NRG3: variants seen among roughly 807,000 people sequenced by gnomAD.
NRG3 encodes neuregulin 3, also known as pro-neuregulin-3, membrane-bound isoform.
In NRG3, 31 loss-of-function variants were observed where a neutral mutation model predicts 66.9. The observed-to-expected ratio is 0.46, with a 90% CI of 0.35 to 0.63. NRG3 has a LOEUF of 0.63. NRG3 is among the 20% of genes least tolerant of loss of function. NRG3 has a pLI of 0.00. For synonymous variants in NRG3, 393 were observed against 359.4 expected, an observed-to-expected ratio of 1.09 and a Z score of -1.06; for missense variants, 910 against 878.9, an observed-to-expected ratio of 1.04 and a Z score of -0.45.
Position 82,714,140 on chromosome 10 carries a change from A to AT in NRG3, c.954-24437_954-24436insT, listed in dbSNP as rs1404754875. Among the ~76,000 whole-genome samples, 4 of 152,330 alleles carry AT rather than the reference A, an allele frequency of 2.6e-5. No homozygotes were observed. The East Asian group carries it at 7.7e-4, about 29-fold the overall frequency. ...GTTAAAATGATATGTATTACTATGT[A>AT]CAATCTGATGTTTTGACATATACAT... On this transcript the variant is annotated intron_variant, in intron 2 of 8. Coordinates refer to ENST00000372141, the MANE Select transcript of NRG3 (RefSeq NM_001010848.4).
chr10:82,790,897 T>A (rs2135369345), intron 3 of NRG3, among the ~76,000 whole-genome samples: 1 of 151,968 alleles, frequency 6.6e-6, no homozygotes, highest in African/African-American at 2.4e-5. Context: ...TTATTGCCCA[T>A]TTCAATGACA....
At chr10:82,678,361 G>A (rs1470529422) in intron 2 of NRG3, among the ~76,000 whole-genome samples, 3 of 152,072 alleles carry the variant, frequency 2.0e-5, no homozygotes, top group Non-Finnish European at 4.4e-5. Flanking sequence ...GTCAAAGGGG[G>A]TTGTTCTCTG....
At chr10:82,088,578 G>A (rs964328823) in intron 1 of NRG3, among the ~76,000 whole-genome samples, 1 of 152,034 alleles carries the variant, frequency 6.6e-6, no homozygotes. Context: ...ATGTGCAAAG[G>A]GTTCCTTTGA....
chr10:82,411,652 T>TTA (rs1350938418), intron 2 of NRG3, among the ~76,000 whole-genome samples: 10 of 152,142 alleles, frequency 6.6e-5, no homozygotes, highest in African/African-American at 2.4e-4. Context: ...GACATTTGAG[T>TTA]ATTTACTCTG....
At chr10:82,397,404 TAA>T (rs1374204798) in intron 2 of NRG3, among the ~76,000 whole-genome samples, 1 of 152,198 alleles carries the variant, frequency 6.6e-6, no homozygotes, top group Non-Finnish European at 1.5e-5. Context: ...ACTCATCTTG[TAA>T]GGAAAGGAAA....
At chr10:82,189,468 CA>C (rs1333830198) in intron 1 of NRG3, among the ~76,000 whole-genome samples, 5 of 151,454 alleles carry the variant, frequency 3.3e-5, no homozygotes, top group Admixed American at 6.6e-5. Flanking sequence ...CCAGCCTGGC[CA>C]ACATGAGGAA....
intron 2 of NRG3, among the ~76,000 whole-genome samples, chr10:82,445,370 G>A (rs938067728): frequency 5.9e-5 from 9 of 152,092 alleles, no homozygotes; most frequent in South Asian, 2.1e-4. Flanking sequence ...TCTATTTAAC[G>A]GATCTGTTTT....
At chr10:82,503,561 C>T (rs1486825554) in intron 2 of NRG3, among the ~76,000 whole-genome samples, 1 of 152,124 alleles carries the variant, frequency 6.6e-6, no homozygotes, top group Non-Finnish European at 1.5e-5. Flanking sequence ...ATTGTGGGCA[C>T]TGTGGTGAAG....
At chr10:82,500,349 C>T (rs531755759) in intron 2 of NRG3, among the ~76,000 whole-genome samples, 17 of 152,286 alleles carry the variant, frequency 1.1e-4, no homozygotes, top group African/African-American at 3.8e-4. Flanking sequence ...CAGAATTAGC[C>T]TCTGAGCTAC....
At chr10:82,761,920 T>G (rs11594658) in intron 3 of NRG3, among the ~76,000 whole-genome samples, 4 of 116,220 alleles carry the variant, frequency 3.4e-5, no homozygotes, top group African/African-American at 1.3e-4. Context: ...CTTTCTTTCT[T>G]TCTCTTTCTT....
At chr10:82,862,034 G>A (rs1035381053) in intron 3 of NRG3, among the ~76,000 whole-genome samples, 1 of 152,166 alleles carries the variant, frequency 6.6e-6, no homozygotes, top group African/African-American at 2.4e-5. Context: ...ATGAAAACAT[G>A]GTCTTGAGGC....
chr10:82,585,780 A>T (rs969398287), intron 2 of NRG3, among the ~76,000 whole-genome samples: 9 of 152,208 alleles, frequency 5.9e-5, no homozygotes, highest in Non-Finnish European at 8.8e-5. Context: ...CACTGAATTA[A>T]TGGAAAGCTT....
intron 6 of NRG3, among the ~76,000 whole-genome samples, chr10:82,962,194 A>C (rs1306259953): frequency 6.6e-6 from 1 of 152,184 alleles, no homozygotes; most frequent in Admixed American, 6.5e-5. Context: ...ATTGTTTTAA[A>C]AACAAATAAA....
chr10:82,480,648 C>G (rs1337757098), intron 2 of NRG3, among the ~76,000 whole-genome samples: 2 of 152,214 alleles, frequency 1.3e-5, no homozygotes, highest in Admixed American at 1.3e-4. Flanking sequence ...CCCCACTCTG[C>G]TCTGATTAGC....
At chr10:82,017,936 T>G (rs1289932179) in intron 1 of NRG3, among the ~76,000 whole-genome samples, 3 of 152,336 alleles carry the variant, frequency 2.0e-5, no homozygotes, top group Non-Finnish European at 4.4e-5. Flanking sequence ...AGAAGCTCTT[T>G]AGTTTAATTA....
intron 3 of NRG3, among the ~76,000 whole-genome samples, chr10:82,840,097 A>T (rs1174228934): frequency 6.6e-6 from 1 of 152,206 alleles, no homozygotes; most frequent in African/African-American, 2.4e-5. Context: ...TATCTGTATA[A>T]AAAACAAGTT....
chr10:81,927,777 A>G (rs1846948796), intron 1 of NRG3, among the ~76,000 whole-genome samples: 1 of 152,228 alleles, frequency 6.6e-6, no homozygotes, highest in African/African-American at 2.4e-5. Context: ...TGAGTATTCC[A>G]AAGTAAACTT....
chr10:82,158,837 T>G (rs2071367832), intron 1 of NRG3, among the ~76,000 whole-genome samples: 1 of 151,886 alleles, frequency 6.6e-6, no homozygotes, highest in Admixed American at 6.6e-5. Context: ...CTTTTTTCCT[T>G]CTTAAACCTG....
chr10:82,333,466 T>C (rs1699852708), intron 1 of NRG3, among the ~76,000 whole-genome samples: 1 of 152,200 alleles, frequency 6.6e-6, no homozygotes, highest in Non-Finnish European at 1.5e-5. Flanking sequence ...TACTGCTACA[T>C]GGAGGCATTT....
Sources: allele counts gnomAD v4.1 joint callset (sites outside exome capture counted in the v4.1 genomes callset), GRCh38; gene constraint gnomAD v4.1.1; transcripts MANE v1.5; gene names NCBI Gene and HGNC (gene_info 2026-07-23, HGNC 2026-07-21).